The following SEL1L variants were observed in gnomAD, a reference collection of about 807,000 sequenced individuals.
The protein encoded by SEL1L is SEL1L adaptor subunit of SYVN1 ubiquitin ligase.
In SEL1L, 52 loss-of-function variants were observed where a neutral mutation model predicts 109.8. The ratio of observed to expected loss-of-function variants is 0.47; its 90% confidence interval spans 0.38 to 0.60. The LOEUF (loss-of-function observed/expected upper bound fraction) is 0.60. SEL1L is among the 20% of genes least tolerant of loss of function. The pLI, the probability that SEL1L is intolerant of heterozygous loss-of-function variation, is 0.00. For synonymous variants in SEL1L, 373 were observed against 339.6 expected, an observed-to-expected ratio of 1.10 and a Z score of -1.08; for missense variants, 749 against 962.2, an observed-to-expected ratio of 0.78 and a Z score of 2.93.
At chr14:81,505,151 T>G (rs1884187858) in intron 4 of SEL1L, among the ~76,000 whole-genome samples, 1 of 152,200 alleles carries the variant, frequency 6.6e-6, no homozygotes, top group South Asian at 2.1e-4. Context: ...CTATTGGAAA[T>G]ACTGTATATC....
rs1884231899 is a variant in SEL1L, at chr14:81,506,180, T to C, written c.402A>G (p.Leu134=). 1 of 1,613,738 alleles carries C rather than the reference T, an allele frequency of 6.2e-7. No homozygotes were observed. The highest frequency in any genetic ancestry group is 8.5e-7 in the Non-Finnish European group (1 of 1,179,828). ...GEPCHFPFLF[L]DKEYDECTSD... is the part of the protein sequence containing the mutation. Reference sequence around the variant, plus strand: ...ATGTACATTCATCATACTCCTTATCTAGGAAAAGAAAAGGGAAGTGGCAGG... The same window carrying C: ...ATGTACATTCATCATACTCCTTATCCAGGAAAAGAAAAGGGAAGTGGCAGG... Residue 134 remains leucine, a synonymous_variant, in exon 4 of 21, where the codon CTA becomes CTG. Coordinates refer to ENST00000336735, the MANE Select transcript of SEL1L (RefSeq NM_005065.6).
intron 2 of SEL1L, 149 bp from the exon 3 acceptor site, chr14:81,527,113 C>T: frequency 1.6e-6 from 1 of 617,716 alleles, no homozygotes; most frequent in East Asian, 2.9e-5. Flanking sequence ...TGGCATGTGT[C>T]CATCACGTGC....
Position 81,474,116 on chromosome 14 carries a change from G to C in SEL1L, c.*2856C>G, listed in dbSNP as rs1244880953. The C allele has an allele frequency of 6.6e-6, 1 of 151,784 alleles. No homozygotes were observed. The highest frequency in any genetic ancestry group is 6.6e-5 in the Admixed American group (1 of 15,236). 9.4% of individuals were successfully genotyped at this position (151,784 alleles called of 1,614,324 possible). A position where few individuals can be genotyped will look rare whatever the true frequency, so the allele number is the denominator to read the frequency against. ...AGATTAATAATTTATAAATTCATCT[G>C]AGTTAAGTGCTAAACAATACATTTT... is the stretch of plus-strand genomic sequence containing the variant. On this transcript the variant is annotated 3_prime_UTR_variant, in exon 21 of 21. Transcript: ENST00000336735.
rs148050335 is a variant in SEL1L, at chr14:81,485,451, G to T, written c.1873+221C>A. Among the ~76,000 whole-genome samples, 722 of 138,782 alleles carry T rather than the reference G, an allele frequency of 5.2e-3. 5 individuals are homozygous for T. Among genetic ancestry groups the T allele is most frequent in the African/African-American group, 0.017 (628 of 37,506 alleles). 91.0% of individuals were successfully genotyped at this position (138,782 alleles called of 152,430 possible). A position where few individuals can be genotyped will look rare whatever the true frequency, so the allele number is the denominator to read the frequency against. Reference sequence around the variant, plus strand: ...CCACCATGCCCAGCTAATTTTTTTTGTTTTTTTTTTTTTTAGTAGAGACAG... The same window carrying T: ...CCACCATGCCCAGCTAATTTTTTTTTTTTTTTTTTTTTTTAGTAGAGACAG... On this transcript the variant is annotated intron_variant, in intron 18 of 20. Coordinates refer to ENST00000336735, the MANE Select transcript of SEL1L (RefSeq NM_005065.6).
chr14:81,516,007 A>G lies in SEL1L; in HGVS notation c.341-9766T>C, dbSNP rs552159747. Reference sequence around the variant, plus strand: ...CAATCACCTGGTGGGGCTTGTTATCAGTGTGGTTTGCAAGGACACTTTAAA... The same window carrying G: ...CAATCACCTGGTGGGGCTTGTTATCGGTGTGGTTTGCAAGGACACTTTAAA... On this transcript the variant is annotated intron_variant, in intron 3 of 20. Coordinates refer to ENST00000336735, the MANE Select transcript of SEL1L (RefSeq NM_005065.6). Among the ~76,000 whole-genome samples the G allele has an allele frequency of 2.2e-3, 331 of 152,316 alleles. 1 individual carries two copies. Among genetic ancestry groups the G allele is most frequent in the Middle Eastern group, 0.014 (4 of 292 alleles).
chr14:81,488,013 TA>T, intron 14 of SEL1L, 71 bp from the exon 15 acceptor site: 6 of 1,192,470 alleles, frequency 5.0e-6, no homozygotes, highest in Middle Eastern at 1.9e-4. Flanking sequence ...GAGATTTATT[TA>T]AAAAAATGAA....
At chr14:81,479,876 C>T (rs1903292648) in intron 19 of SEL1L, 136 bp from the exon 20 acceptor site, 4 of 779,720 alleles carry the variant, frequency 5.1e-6, no homozygotes, top group Non-Finnish European at 7.7e-6. Context: ...AACAAAAATG[C>T]CAAGCTTTAC....
At chr14:81,493,588 C>T (rs1488696690) in intron 11 of SEL1L, among the ~76,000 whole-genome samples, 2 of 152,074 alleles carry the variant, frequency 1.3e-5, no homozygotes, top group Non-Finnish European at 1.5e-5. Flanking sequence ...CTCCTTTAGA[C>T]CCCCAATTTC....
rs1337188578 is a variant in SEL1L at position 81,515,310 on chromosome 14, C to T, written c.341-9069G>A. Among the ~76,000 whole-genome samples, 3 of 152,190 alleles carry T rather than the reference C, an allele frequency of 2.0e-5. No individual in the cohort carries two copies. The South Asian group carries it at 6.2e-4, about 31-fold the overall frequency. ...TGATCCTGATAGGTATACAGATGTC[C>T]TACAGGGTCTAGGGCAAACCTTCGA... On this transcript the variant is annotated intron_variant, in intron 3 of 20. Transcript: ENST00000336735.
chr14:81,502,402 G>C (rs1037981495), intron 6 of SEL1L, among the ~76,000 whole-genome samples: 3 of 152,114 alleles, frequency 2.0e-5, no homozygotes, highest in African/African-American at 7.2e-5. Flanking sequence ...TGCAACATCT[G>C]AACTTTGGAA....
chr14:81,478,363 T>C (rs1035875085), intron 20 of SEL1L, among the ~76,000 whole-genome samples: 2 of 152,142 alleles, frequency 1.3e-5, no homozygotes, highest in African/African-American at 4.8e-5. Flanking sequence ...TCTTTTTAGT[T>C]GGAATAACTA....
intron 18 of SEL1L, chr14:81,484,650 G>A (rs1012692275): frequency 6.4e-6 from 2 of 313,704 alleles, no homozygotes; most frequent in East Asian, 5.0e-5. Context: ...AGGGGGACAG[G>A]TTTAATATCC....
chr14:81,512,817 TTTAA>T (rs1271602661), intron 3 of SEL1L, among the ~76,000 whole-genome samples: 1 of 152,244 alleles, frequency 6.6e-6, no homozygotes, highest in African/African-American at 2.4e-5. Flanking sequence ...ATGATGGCGT[TTTAA>T]TTATTCATTC....
intron 5 of SEL1L, among the ~76,000 whole-genome samples, chr14:81,503,855 A>T (rs1884118065): frequency 6.6e-6 from 1 of 152,236 alleles, no homozygotes; most frequent in Admixed American, 6.5e-5. Context: ...CAAAAATTAC[A>T]AAGCAAAAAC....
intron 8 of SEL1L, chr14:81,498,919 T>C (rs1883891951): frequency 5.3e-6 from 1 of 188,160 alleles, no homozygotes. Flanking sequence ...GCAGGCACAG[T>C]GTCACTAGCA....
In SEL1L at chr14:81,530,534, C is replaced by T. The variant is rs1951607; in HGVS notation, c.71-2796G>A. On this transcript the variant is annotated intron_variant, in intron 1 of 20. Transcript: ENST00000336735. Reference sequence around the variant, plus strand: ...CTGAAATACCTGGCAGTGGACCTAACTAAAATGACTAACACTGCTTGGCAC... The same window carrying T: ...CTGAAATACCTGGCAGTGGACCTAATTAAAATGACTAACACTGCTTGGCAC... Among the ~76,000 whole-genome samples the T allele has an allele frequency of 6.0e-3, 911 of 152,162 alleles. 10 individuals are homozygous for T. Among genetic ancestry groups the T allele is most frequent in the African/African-American group, 0.021 (864 of 41,502 alleles).
At chr14:81,477,303 A>ATGTGTGTGTGTGTGTGTGTGTGTG (rs10690579) in intron 20 of SEL1L, 122 bp from the exon 21 acceptor site, 11 of 541,396 alleles carry the variant, frequency 2.0e-5, no homozygotes, top group African/African-American at 1.5e-4. Flanking sequence ...ACGTTTTGCA[A>ATGTGTGTGTGTGTGTGTGTGTGTG]TGTGTGTGTG....
chr14:81,483,580 T>C (rs1336615677), intron 19 of SEL1L, among the ~76,000 whole-genome samples: 2 of 152,216 alleles, frequency 1.3e-5, no homozygotes, highest in Admixed American at 6.5e-5. Context: ...AAAACTTGCT[T>C]GTATATTTCT....
chr14:81,512,814 C>T (rs184278027), intron 3 of SEL1L, among the ~76,000 whole-genome samples: 17 of 152,266 alleles, frequency 1.1e-4, no homozygotes, highest in Middle Eastern at 6.8e-3. Flanking sequence ...CTTATGATGG[C>T]GTTTTAATTA....
Sources: gnomAD v4.1 joint callset for allele counts (sites outside exome capture counted in the v4.1 genomes callset) on GRCh38, gnomAD v4.1.1 for gene constraint, MANE v1.5 for transcripts, NCBI Gene and HGNC (gene_info 2026-07-23, HGNC 2026-07-21) for gene names.